ADGRL3: variants seen among roughly 807,000 people sequenced by gnomAD.
ADGRL3 encodes the protein adhesion G protein-coupled receptor L3.
In ADGRL3, 62 loss-of-function variants were observed where a neutral mutation model predicts 153.5. The ratio of observed to expected loss-of-function variants is 0.40; its 90% CI spans 0.33 to 0.50. ADGRL3 has a LOEUF of 0.50. Ranked by LOEUF, ADGRL3 falls within the 20% of genes least tolerant of loss-of-function variation. The pLI, the probability that ADGRL3 is intolerant of heterozygous loss-of-function variation, is 0.47. For synonymous variants in ADGRL3, 710 were observed against 672.5 expected, an observed-to-expected ratio of 1.06 and a Z score of -0.86; for missense variants, 1,641 against 1,859.4, an observed-to-expected ratio of 0.88 and a Z score of 2.16.
In ADGRL3 at chr4:61,599,232, T is replaced by C. The variant is rs536681302; in HGVS notation, c.473+11792T>C. 5.8e-4 allele frequency among the ~76,000 whole-genome samples: 88 copies of C among 152,338 alleles called. 1 individual carries two copies. Among genetic ancestry groups the C allele is most frequent in the African/African-American group, 2.0e-3 (83 of 41,586 alleles). On this transcript the variant is annotated intron_variant, in intron 5 of 26. Transcript: ENST00000683033. The stretch of plus-strand genomic sequence containing the variant: ...GGGGAAACCCAGCAAGGCCCATCTG[T>C]CTAGATTCTTCTTGGCCTCTCAGAT...
chr4:61,418,924 T>C (rs2097173027), intron 2 of ADGRL3, among the ~76,000 whole-genome samples: 1 of 150,792 alleles, frequency 6.6e-6, no homozygotes, highest in Admixed American at 6.6e-5. Flanking sequence ...GAAGTTTATT[T>C]ACAGTTTAGT....
chr4:61,772,676 C>T (rs1299131171), intron 8 of ADGRL3, among the ~76,000 whole-genome samples: 1 of 152,126 alleles, frequency 6.6e-6, no homozygotes, highest in East Asian at 1.9e-4. Context: ...TTCCTCTTTC[C>T]CCTCCATCTT....
intron 9 of ADGRL3, among the ~76,000 whole-genome samples, chr4:61,858,807 A>G (rs1319879709): frequency 1.3e-5 from 2 of 152,114 alleles, no homozygotes; most frequent in Admixed American, 6.6e-5. Flanking sequence ...TTCGTTCTTA[A>G]TTTGCTGACC....
intron 8 of ADGRL3, among the ~76,000 whole-genome samples, chr4:61,811,558 G>T (rs2097621288): frequency 6.6e-6 from 1 of 151,974 alleles, no homozygotes; most frequent in Admixed American, 6.6e-5. Flanking sequence ...TCTAAAATTG[G>T]TTGTAGTGTT....
intron 8 of ADGRL3, among the ~76,000 whole-genome samples, chr4:61,757,901 G>T (rs551610624): frequency 2.6e-5 from 4 of 152,258 alleles, no homozygotes; most frequent in African/African-American, 9.6e-5. Context: ...TCAGGAGCAG[G>T]TTGCTCAGTT....
chr4:61,679,350 A>G (rs562182443), intron 6 of ADGRL3, among the ~76,000 whole-genome samples: 1 of 152,138 alleles, frequency 6.6e-6, no homozygotes, highest in African/African-American at 2.4e-5. Context: ...TTTCAACATG[A>G]GATTTGGAGG....
intron 1 of ADGRL3, among the ~76,000 whole-genome samples, chr4:61,249,580 A>ACTT (rs1758443200): frequency 3.9e-5 from 6 of 152,118 alleles, no homozygotes; most frequent in Admixed American, 3.9e-4. Context: ...GACAAAAGGA[A>ACTT]TGCATTTTCC....
At chr4:62,016,896 C>A (rs759603648) in intron 21 of ADGRL3, among the ~76,000 whole-genome samples, 15 of 151,814 alleles carry the variant, frequency 9.9e-5, no homozygotes, top group Non-Finnish European at 1.8e-4. Flanking sequence ...CCATTAATGT[C>A]CATTCATTCT....
chr4:61,328,021 A>T (rs2095498639), intron 1 of ADGRL3, among the ~76,000 whole-genome samples: 1 of 152,128 alleles, frequency 6.6e-6, no homozygotes, highest in South Asian at 2.1e-4. Flanking sequence ...ATGGAGCATG[A>T]GTTAGAGGAG....
chr4:61,509,190 C>T (rs373899712), intron 3 of ADGRL3, among the ~76,000 whole-genome samples: 20 of 148,806 alleles, frequency 1.3e-4, no homozygotes, highest in Admixed American at 1.1e-3. Context: ...TGCAATGGCA[C>T]GATCTCGGCT....
At chr4:61,911,641 A>G (rs146709012) in intron 12 of ADGRL3, among the ~76,000 whole-genome samples, 1 of 152,252 alleles carries the variant, frequency 6.6e-6, no homozygotes, top group Non-Finnish European at 1.5e-5. Context: ...CCACGATGCA[A>G]GTCAGTGATC....
At chr4:61,355,206 C>T (rs1409803735) in intron 1 of ADGRL3, among the ~76,000 whole-genome samples, 1 of 152,034 alleles carries the variant, frequency 6.6e-6, no homozygotes, top group Non-Finnish European at 1.5e-5. Context: ...GAAATGCTGT[C>T]AGGTTCAAGT....
At chr4:61,950,204 TA>T (rs775076726) in intron 17 of ADGRL3, among the ~76,000 whole-genome samples, 29 of 152,210 alleles carry the variant, frequency 1.9e-4, no homozygotes, top group Non-Finnish European at 3.5e-4. Flanking sequence ...GTAATAATAA[TA>T]AATAAGATAT....
At chr4:61,729,709 C>A (rs1232619329) in intron 6 of ADGRL3, among the ~76,000 whole-genome samples, 1 of 151,788 alleles carries the variant, frequency 6.6e-6, no homozygotes, top group Non-Finnish European at 1.5e-5. Flanking sequence ...CTCTGTGAAA[C>A]AAAATATTTA....
intron 1 of ADGRL3, among the ~76,000 whole-genome samples, chr4:61,203,843 A>G (rs1054741506): frequency 7.2e-5 from 11 of 152,130 alleles, no homozygotes; most frequent in African/African-American, 2.7e-4. Flanking sequence ...AAAATAGGAT[A>G]CCAGATAATT....
At chr4:61,904,440 G>T (rs1372285856) in intron 11 of ADGRL3, among the ~76,000 whole-genome samples, 1 of 151,942 alleles carries the variant, frequency 6.6e-6, no homozygotes, top group East Asian at 1.9e-4. Flanking sequence ...TGAGCCATTC[G>T]CCTGGCCTTC....
rs1404723412 is a variant in ADGRL3, at chr4:61,756,281, C to G, written c.1399+22727C>G. Among the ~76,000 whole-genome samples the G allele has an allele frequency of 4.6e-5, 7 of 152,244 alleles. No homozygotes were observed. The South Asian group carries it at 6.2e-4, about 14-fold the overall frequency. ...GAATGTTCTTCCATTTGATTGTATT[C>G]TCTTTTATTTCATTGAGCAGTGGTT... On this transcript the variant is annotated intron_variant, in intron 8 of 26. Transcript: ENST00000683033.
intron 5 of ADGRL3, among the ~76,000 whole-genome samples, chr4:61,622,658 C>A (rs1463421648): frequency 6.6e-6 from 1 of 152,132 alleles, no homozygotes; most frequent in Non-Finnish European, 1.5e-5. Flanking sequence ...TTCTGGTGTG[C>A]ACTTTATGTG....
chr4:62,009,021 G>A lies in ADGRL3; in HGVS notation c.3395+10756G>A, dbSNP rs186823932. 3.7e-4 allele frequency among the ~76,000 whole-genome samples: 56 copies of A among 152,154 alleles called. 2 individuals are homozygous for A. Among genetic ancestry groups the A allele is most frequent in the Admixed American group, 3.3e-3 (51 of 15,268 alleles). The stretch of plus-strand genomic sequence containing the variant: ...TAAGAACAATAAGCTTTACCATATA[G>A]CCTAGATGTGTAGTAGGCTAAACCT... On this transcript the variant is annotated intron_variant, in intron 21 of 26. Transcript: ENST00000683033.
Sources: allele counts gnomAD v4.1 joint callset (sites outside exome capture counted in the v4.1 genomes callset), GRCh38; gene constraint gnomAD v4.1.1; transcripts MANE v1.5; gene names NCBI Gene and HGNC (gene_info 2026-07-23, HGNC 2026-07-21).